Variants in CNTNAP2 observed in about 807,000 individuals in gnomAD.
The protein encoded by CNTNAP2 is contactin-associated protein-like 2.
CNTNAP2 carries 98 observed loss-of-function variants against 155.2 expected under a neutral mutation model. That is an observed-to-expected ratio of 0.63 (90% CI 0.54 to 0.75). The LOEUF (loss-of-function observed/expected upper bound fraction) is 0.75, where lower values mean the gene tolerates loss of function less well. Ranked by LOEUF, CNTNAP2 falls within the 30% of genes least tolerant of loss-of-function variation. The pLI, the probability that CNTNAP2 is intolerant of heterozygous loss-of-function variation, is 0.00. For synonymous variants in CNTNAP2, 651 were observed against 631.2 expected (o/e 1.03, Z -0.47); for missense variants, 1,727 against 1,688.1 (o/e 1.02, Z -0.40).
chr7:146,141,819 A>C (rs1028064033), intron 1 of CNTNAP2, among the ~76,000 whole-genome samples: 2 of 152,196 alleles, frequency 1.3e-5, no homozygotes, highest in African/African-American at 4.8e-5. Flanking sequence ...AGAAAAATGT[A>C]AAATTCAAAT....
chr7:147,137,905 ATAGATAGATAGG>A (rs779219821), intron 8 of CNTNAP2, among the ~76,000 whole-genome samples: 488 of 131,142 alleles, frequency 3.7e-3, no homozygotes, highest in Middle Eastern at 0.012. Context: ...AGATAGATAG[ATAGATAGATAGG>A]TAGATAGATA....
intron 13 of CNTNAP2, among the ~76,000 whole-genome samples, chr7:147,728,173 A>ATGTG (rs72352266): frequency 1.9e-4 from 17 of 91,490 alleles, no homozygotes; most frequent in African/African-American, 4.3e-4. Context: ...TACACACACA[A>ATGTG]TGTGTGTGTG....
chr7:146,759,496 A>G (rs553875611), intron 1 of CNTNAP2, among the ~76,000 whole-genome samples: 15 of 152,178 alleles, frequency 9.9e-5, no homozygotes, highest in Non-Finnish European at 1.9e-4. Context: ...GATCAAGACC[A>G]TCCTGGCCAA....
intron 11 of CNTNAP2, among the ~76,000 whole-genome samples, chr7:147,548,511 T>C (rs1799787208): frequency 6.6e-6 from 1 of 152,186 alleles, no homozygotes; most frequent in African/African-American, 2.4e-5. Flanking sequence ...TATTAGACCT[T>C]TGTCAGATGG....
At chr7:146,302,018 G>A (rs1800620651) in intron 1 of CNTNAP2, among the ~76,000 whole-genome samples, 1 of 152,100 alleles carries the variant, frequency 6.6e-6, no homozygotes, top group African/African-American at 2.4e-5. Context: ...AAAATTAATG[G>A]GAGTCTGTTT....
chr7:148,347,315 T>A (rs2116591481), intron 21 of CNTNAP2, among the ~76,000 whole-genome samples: 1 of 151,548 alleles, frequency 6.6e-6, no homozygotes, highest in East Asian at 1.9e-4. Flanking sequence ...GGTAATAAAC[T>A]GCCCAGTAAT....
intron 9 of CNTNAP2, among the ~76,000 whole-genome samples, chr7:147,337,581 C>T (rs563804750): frequency 2.0e-5 from 3 of 152,152 alleles, no homozygotes; most frequent in Admixed American, 6.6e-5. Context: ...ATCTTAAAAC[C>T]CCTTTTAGAA....
intron 13 of CNTNAP2, among the ~76,000 whole-genome samples, chr7:147,862,405 A>G (rs1036052367): frequency 6.6e-6 from 1 of 151,912 alleles, no homozygotes; most frequent in East Asian, 1.9e-4. Flanking sequence ...TTCCTATAAC[A>G]TGCATCTTTC....
intron 18 of CNTNAP2, among the ~76,000 whole-genome samples, chr7:148,199,763 A>T (rs1795338072): frequency 6.6e-6 from 1 of 152,242 alleles, no homozygotes; most frequent in African/African-American, 2.4e-5. Flanking sequence ...AACCAGTAGG[A>T]TAGAGAGAGA....
intron 9 of CNTNAP2, among the ~76,000 whole-genome samples, chr7:147,347,459 T>TAA (rs1795892203): frequency 2.2e-5 from 1 of 44,762 alleles, no homozygotes; most frequent in South Asian, 1.5e-3. Flanking sequence ...TATATATGCA[T>TAA]ATATATATAT....
intron 9 of CNTNAP2, among the ~76,000 whole-genome samples, chr7:147,384,374 G>T (rs1242630308): frequency 6.6e-6 from 1 of 152,154 alleles, no homozygotes; most frequent in African/African-American, 2.4e-5. Context: ...TGCTCTAAGT[G>T]GGTGAATGTA....
At chr7:146,565,769 G>A (rs923638579) in intron 1 of CNTNAP2, among the ~76,000 whole-genome samples, 1 of 152,216 alleles carries the variant, frequency 6.6e-6, no homozygotes, top group Non-Finnish European at 1.5e-5. Context: ...AACGATGTGA[G>A]TGGTTTTGAC....
At chr7:147,718,120 T>A (rs1392757880) in intron 13 of CNTNAP2, among the ~76,000 whole-genome samples, 1 of 152,132 alleles carries the variant, frequency 6.6e-6, no homozygotes, top group Non-Finnish European at 1.5e-5. Context: ...GTCAGCATGA[T>A]TAATTGTAAT....
intron 16 of CNTNAP2, among the ~76,000 whole-genome samples, chr7:148,145,169 T>C (rs1805152445): frequency 6.6e-6 from 1 of 152,198 alleles, no homozygotes; most frequent in Admixed American, 6.5e-5. Context: ...GAATGGAGGC[T>C]GTTTGGGAAG....
At chr7:146,183,469 C>A (rs945464903) in intron 1 of CNTNAP2, among the ~76,000 whole-genome samples, 1 of 151,942 alleles carries the variant, frequency 6.6e-6, no homozygotes, top group Non-Finnish European at 1.5e-5. Flanking sequence ...TTAATGAACC[C>A]TATGGTATGA....
At chr7:147,245,313 T>A (rs886265333) in intron 8 of CNTNAP2, among the ~76,000 whole-genome samples, 1 of 152,096 alleles carries the variant, frequency 6.6e-6, no homozygotes, top group East Asian at 1.9e-4. Context: ...CTCTAGAGAA[T>A]GCATTGTGCA....
intron 9 of CNTNAP2, among the ~76,000 whole-genome samples, chr7:147,356,852 C>G (rs1324412777): frequency 6.6e-6 from 1 of 151,990 alleles, no homozygotes; most frequent in Non-Finnish European, 1.5e-5. Context: ...TTGTGAAACT[C>G]TCTTCTCTTT....
chr7:147,315,797 A>G (rs2692164), intron 9 of CNTNAP2, among the ~76,000 whole-genome samples: 74,293 of 151,716 alleles, frequency 0.49, 19,315 homozygotes, highest in East Asian at 0.73. Flanking sequence ...GACATTTTAT[A>G]TAAATTGAAT....
chr7:148,219,246 C>A (rs1279220935), intron 19 of CNTNAP2, among the ~76,000 whole-genome samples: 3 of 152,120 alleles, frequency 2.0e-5, no homozygotes, highest in African/African-American at 7.2e-5. Context: ...GCCCTAAGAT[C>A]ACTTTTTTAA....
Sources: allele counts gnomAD v4.1 joint callset (sites outside exome capture counted in the v4.1 genomes callset), GRCh38; gene constraint gnomAD v4.1.1; transcripts MANE v1.5; gene names NCBI Gene and HGNC (gene_info 2026-07-23, HGNC 2026-07-21).